Variants in TMEM120B observed in about 807,000 individuals in gnomAD.
TMEM120B encodes transmembrane protein 120B.
In TMEM120B, 31 loss-of-function variants were observed where a neutral mutation model predicts 55.5. That is an observed-to-expected ratio of 0.56 (90% CI 0.42 to 0.75). The LOEUF is 0.75. Ranked by LOEUF, TMEM120B falls within the 30% of genes least tolerant of loss-of-function variation. The pLI is 0.00. For synonymous variants in TMEM120B, 203 were observed against 176.3 expected (o/e 1.15, Z -1.20); for missense variants, 399 against 425.5 (o/e 0.94, Z 0.55).
At chr12:121,727,604 T>A (rs1894920827) in intron 1 of TMEM120B, among the ~76,000 whole-genome samples, 1 of 148,756 alleles carries the variant, frequency 6.7e-6, no homozygotes, top group Admixed American at 6.8e-5. Flanking sequence ...CCCGGTGCGG[T>A]GGCTCACGCT....
chr12:121,749,480 A>G (rs565862171), intron 3 of TMEM120B, among the ~76,000 whole-genome samples: 9 of 152,324 alleles, frequency 5.9e-5, no homozygotes, highest in Non-Finnish European at 1.3e-4. Flanking sequence ...CCAGGAATTC[A>G]AGACCAGCCT....
chr12:121,728,479 A>C (rs1305999504), intron 1 of TMEM120B, among the ~76,000 whole-genome samples: 6 of 144,916 alleles, frequency 4.1e-5, no homozygotes, highest in South Asian at 2.2e-4. Context: ...ACAGAGCGAG[A>C]CTCCGTCTCA....
intron 8 of TMEM120B, among the ~76,000 whole-genome samples, chr12:121,772,214 C>T (rs1428141217): frequency 1.3e-5 from 2 of 151,668 alleles, no homozygotes; most frequent in African/African-American, 2.4e-5. Flanking sequence ...CTGCAACCTC[C>T]GCCTCCTGGG....
rs769376721 is a variant in TMEM120B, at chr12:121,761,721, C to T, written c.534C>T (p.Leu178=). The T allele has an allele frequency of 2.5e-6, 4 of 1,613,776 alleles. No homozygotes were observed. The highest frequency in any genetic ancestry group is 1.7e-5 in the Admixed American group (1 of 59,984). The change falls in exon 6 of 12, where the codon CTC becomes CTT. Residue 178 remains leucine, a synonymous_variant. Transcript: ENST00000449592. ...YCTLTIRESI[L]ISNGSRIKGW... ...CCCTGACCATTCGGGAGAGCATTCT[C>T]ATCAGCAACGGCTCAAGGTACCTGG...
chr12:121,742,865 G>T (rs1297213870), intron 1 of TMEM120B, among the ~76,000 whole-genome samples: 1 of 152,194 alleles, frequency 6.6e-6, no homozygotes, highest in Non-Finnish European at 1.5e-5. Context: ...GTGAGCCAGC[G>T]CGTCCGGCCA....
chr12:121,761,610 C>CA, intron 5 of TMEM120B, 39 bp from the exon 6 acceptor site: 1 of 1,538,388 alleles, frequency 6.5e-7, no homozygotes, highest in Non-Finnish European at 9.0e-7. Context: ...GCCTGGTTCT[C>CA]ACGCCCGCAC....
rs1372622411 is a variant in TMEM120B at position 121,735,714 on chromosome 12, C to T, written c.70-7915C>T. The stretch of plus-strand genomic sequence containing the variant: ...GCCCGGCCTTTTTTTTTTTTGAGAC[C>T]AAGTCTCACTCTGTCGCCCAGGCTG... On this transcript the variant is annotated intron_variant, in intron 1 of 11. Coordinates refer to ENST00000449592, the MANE Select transcript of TMEM120B (RefSeq NM_001080825.2). Among the ~76,000 whole-genome samples, 3 of 148,892 alleles carry T rather than the reference C, an allele frequency of 2.0e-5. No individual in the cohort carries two copies. In the East Asian group the frequency reaches 5.9e-4, roughly 29 times the overall value.
At chr12:121,723,845 C>T (rs2720036) in intron 1 of TMEM120B, among the ~76,000 whole-genome samples, 62,078 of 151,812 alleles carry the variant, frequency 0.41, 13,239 homozygotes, top group African/African-American at 0.54. Flanking sequence ...CTCTGACACT[C>T]GGACTAGAGT....
At chr12:121,717,254 C>T (rs1216925702) in intron 1 of TMEM120B, among the ~76,000 whole-genome samples, 1 of 152,168 alleles carries the variant, frequency 6.6e-6, no homozygotes, top group Non-Finnish European at 1.5e-5. Flanking sequence ...TCTCGTTCCT[C>T]CCAGCCAAGG....
Position 121,748,319 on chromosome 12 carries a change from T to A in TMEM120B, c.189-7T>A. Reference sequence around the variant, plus strand: ...CCCTTCCCCTGTGCCTGCATCTCTGTCCGCAGGTGCAAACGCCATGCCAGT... The same window carrying A: ...CCCTTCCCCTGTGCCTGCATCTCTGACCGCAGGTGCAAACGCCATGCCAGT... On this transcript the variant is annotated splice_polypyrimidine_tract_variant and splice_region_variant and intron_variant, in intron 2 of 11. Transcript: ENST00000449592. 1 of 1,605,706 alleles carries A rather than the reference T, an allele frequency of 6.2e-7. No individual in the cohort carries two copies. The highest frequency in any genetic ancestry group is 2.2e-5 in the East Asian group (1 of 44,718).
At chr12:121,752,778 C>T (rs540693772) in intron 5 of TMEM120B, among the ~76,000 whole-genome samples, 2 of 151,966 alleles carry the variant, frequency 1.3e-5, no homozygotes, top group East Asian at 1.9e-4. Flanking sequence ...TGTGGTCTAT[C>T]TGTACAGTGG....
At chr12:121,734,464 G>A (rs1592929768) in intron 1 of TMEM120B, among the ~76,000 whole-genome samples, 1 of 151,944 alleles carries the variant, frequency 6.6e-6, no homozygotes, top group African/African-American at 2.4e-5. Flanking sequence ...CTCCATGTTG[G>A]TCAGGTTGGT....
chr12:121,714,089 G>A lies in TMEM120B; in HGVS notation c.69+1125G>A, dbSNP rs79767779. On this transcript the variant is annotated intron_variant, in intron 1 of 11. Transcript: ENST00000449592. ...TTGCTGGAGAGCCGGGGCAGGAATG[G>A]GGGTGCCCTTTCAGGCATGAATAGA... Among the ~76,000 whole-genome samples the A allele has an allele frequency of 2.2e-3, 338 of 152,238 alleles. 2 individuals carry two copies. Among genetic ancestry groups the A allele is most frequent in the African/African-American group, 7.6e-3 (315 of 41,540 alleles).
chr12:121,758,033 C>A, intron 5 of TMEM120B: 2 of 338,564 alleles, frequency 5.9e-6, no homozygotes, highest in Non-Finnish European at 8.4e-6. Context: ...GTGAGAGGAT[C>A]GCTTGAGCCC....
chr12:121,752,197 G>A lies in TMEM120B; in HGVS notation c.435G>A (p.Val145=), dbSNP rs767237761. The A allele has an allele frequency of 5.0e-6, 8 of 1,613,780 alleles. No homozygotes were observed. Among genetic ancestry groups the A allele is most frequent in the Non-Finnish European group, 5.9e-6 (7 of 1,179,904 alleles). Residue 145 remains valine (V), a synonymous_variant, in exon 5 of 12, where the codon GTG becomes GTA. Transcript: ENST00000449592. ...YLTIILLLGA[V]ACRFVLHYRV... Reference sequence around the variant, plus strand: ...CCATCATCCTGCTCCTGGGTGCCGTGGCATGTCGATTTGTCCTTCACTACA... The same window carrying A: ...CCATCATCCTGCTCCTGGGTGCCGTAGCATGTCGATTTGTCCTTCACTACA...
chr12:121,731,858 A>G (rs938340840), intron 1 of TMEM120B, among the ~76,000 whole-genome samples: 1 of 152,236 alleles, frequency 6.6e-6, no homozygotes, highest in Non-Finnish European at 1.5e-5. Context: ...CAATTAAAAA[A>G]TGAAAGAGAG....
intron 4 of TMEM120B, among the ~76,000 whole-genome samples, chr12:121,750,971 CCCCACA>C (rs1873292263): frequency 1.2e-5 from 1 of 84,490 alleles, no homozygotes; most frequent in African/African-American, 5.0e-5. Context: ...ACACCACACA[CCCCACA>C]CCCACACCCC....
At chr12:121,717,607 G>A (rs904745136) in intron 1 of TMEM120B, among the ~76,000 whole-genome samples, 16 of 152,154 alleles carry the variant, frequency 1.1e-4, no homozygotes, top group Non-Finnish European at 1.9e-4. Context: ...TCTGTGCCCT[G>A]AGTACTCCTG....
In TMEM120B at chr12:121,761,698, C is replaced by G. The variant is rs746803203; in HGVS notation, c.511C>G (p.Leu171Val). 105 of 1,613,904 alleles carry G rather than the reference C, an allele frequency of 6.5e-5. No individual in the cohort carries two copies. The highest frequency in any genetic ancestry group is 8.7e-5 in the Non-Finnish European group (103 of 1,179,978). ...NFLLVWYYCTLTIRESILISN... is the reference protein window; with the variant it reads ...NFLLVWYYCTVTIRESILISN... ...CCTGCTGGTGTGGTATTACTGCACC[C>G]TGACCATTCGGGAGAGCATTCTCAT... The change falls in exon 6 of 12, where the codon CTG (leucine) becomes GTG (valine). Residue 171 changes from leucine (L) to valine (V), a missense_variant. Physicochemically the swap from Leu to Val is conservative, Grantham distance 32. Around this residue, in one of 3 missense-constraint regions of TMEM120B, gnomAD observed 260 missense variants for 303.9 expected, o/e 0.86. Coordinates refer to ENST00000449592, the MANE Select transcript of TMEM120B (RefSeq NM_001080825.2).
Sources: gnomAD v4.1 joint callset for allele counts (sites outside exome capture counted in the v4.1 genomes callset) on GRCh38, gnomAD v4.1.1 for gene constraint, gnomAD v4.1.1 regional missense constraint, MANE v1.5 for transcripts, NCBI Gene and HGNC (gene_info 2026-07-23, HGNC 2026-07-21) for gene names.